The following RIMS2 variants were observed in gnomAD, a reference collection of about 807,000 sequenced individuals.
RIMS2 encodes the protein regulating synaptic membrane exocytosis 2, also known as regulating synaptic membrane exocytosis protein 2.
RIMS2 carries 59 observed loss-of-function variants against 174.4 expected under a neutral mutation model. That is an observed-to-expected ratio of 0.34 (90% CI 0.27 to 0.42). RIMS2 has a LOEUF of 0.42. Among genes scored for constraint, RIMS2 ranks in the 10% least tolerant of loss-of-function variants. RIMS2 has a pLI of 1.00. For synonymous variants in RIMS2, 606 were observed against 572.5 expected, an observed-to-expected ratio of 1.06 and a Z score of -0.84; for missense variants, 1,620 against 1,666.3, an observed-to-expected ratio of 0.97 and a Z score of 0.48.
intron 19 of RIMS2, among the ~76,000 whole-genome samples, chr8:104,086,358 T>C (rs2097537857): frequency 6.7e-6 from 1 of 150,124 alleles, no homozygotes. Context: ...GGTAAATTCA[T>C]TTGTTAAGGG....
At chr8:103,954,730 GA>G (rs56065944) in intron 14 of RIMS2, among the ~76,000 whole-genome samples, 19,299 of 152,110 alleles carry the variant, frequency 0.13, 1,689 homozygotes, top group Non-Finnish European at 0.19. Context: ...AAAGCTAGCA[GA>G]AGACAAGAAA....
At chr8:104,084,020 T>C (rs2097484097) in intron 19 of RIMS2, among the ~76,000 whole-genome samples, 3 of 152,126 alleles carry the variant, frequency 2.0e-5, no homozygotes. Context: ...CTATAAGATA[T>C]TTGAAAGTTG....
At position 103,999,643 on chromosome 8, in the gene RIMS2, C is replaced by T. The variant is rs376271429; in HGVS notation, c.3044+10222C>T. Among the ~76,000 whole-genome samples, 58 of 151,816 alleles carry T rather than the reference C, an allele frequency of 3.8e-4. No individual in the cohort carries two copies. The South Asian group carries it at 0.012, about 30-fold the overall frequency. On this transcript the variant is annotated intron_variant, in intron 17 of 23. Coordinates refer to ENST00000504942, the Ensembl canonical transcript of RIMS2. The stretch of plus-strand genomic sequence containing the variant: ...TGAGACATTACTGATTATAGACTTA[C>T]TGTATATACTCTGGTGTCTCTTCAT...
chr8:104,148,099 C>A (rs2098657812), intron 19 of RIMS2, among the ~76,000 whole-genome samples: 1 of 150,728 alleles, frequency 6.6e-6, no homozygotes, highest in African/African-American at 2.4e-5. Flanking sequence ...AAAATTTAAC[C>A]ATTATTAGAT....
chr8:103,796,893 G>A (rs2098553537), intron 3 of RIMS2, among the ~76,000 whole-genome samples: 2 of 152,202 alleles, frequency 1.3e-5, no homozygotes, highest in Admixed American at 6.5e-5. Flanking sequence ...GATGTGAGTG[G>A]TACAACTTGG....
rs1302681378 is a variant in RIMS2 at position 103,538,726 on chromosome 8, AG to A, written c.176+37667del. On this transcript the variant is annotated intron_variant, in intron 1 of 23. Transcript: ENST00000504942. Reference sequence around the variant, plus strand: ...GAGACAGGGTTTCACCATGTTAGCCAGGGTGGTCTCAATCCCGTGATCCACC... The same window carrying A: ...GAGACAGGGTTTCACCATGTTAGCCAGGTGGTCTCAATCCCGTGATCCACC... Among the ~76,000 whole-genome samples, 5 of 152,162 alleles carry A rather than the reference AG, an allele frequency of 3.3e-5. No individual in the cohort carries two copies. The East Asian group carries it at 9.7e-4, about 29-fold the overall frequency.
intron 12 of RIMS2, among the ~76,000 whole-genome samples, chr8:103,934,057 T>G (rs117432705): frequency 0.013 from 1,991 of 152,208 alleles, 18 homozygotes; most frequent in Non-Finnish European, 0.021. Context: ...TTTTATACTC[T>G]TTTTTTGTAT....
chr8:103,777,642 C>T (rs2098332745), intron 3 of RIMS2, among the ~76,000 whole-genome samples: 1 of 151,818 alleles, frequency 6.6e-6, no homozygotes, highest in South Asian at 2.1e-4. Flanking sequence ...TTGAACAGTG[C>T]TTTATGCTAA....
In RIMS2 at chr8:104,238,412, C is replaced by G. The variant is rs149360134; in HGVS notation, c.3335-6504C>G. ...GCAAAGCACCATAGCACATGTATAC[C>G]TATGTAACAAACCTGTATGTTCTGC... On this transcript the variant is annotated intron_variant, in intron 19 of 23. Coordinates refer to ENST00000504942, the Ensembl canonical transcript of RIMS2. 8.7e-3 allele frequency among the ~76,000 whole-genome samples: 1,316 copies of G among 151,582 alleles called. 15 individuals carry two copies. The highest frequency in any genetic ancestry group is 0.031 in the African/African-American group (1,269 of 41,312).
At position 104,205,858 on chromosome 8, in the gene RIMS2, C is replaced by T. The variant is rs936393611; in HGVS notation, c.3335-39058C>T. Among the ~76,000 whole-genome samples, 12 of 151,698 alleles carry T rather than the reference C, an allele frequency of 7.9e-5. No homozygotes were observed. The South Asian group carries it at 1.0e-3, about 13-fold the overall frequency. ...GCAACCTCTGCCTCCCGGCTTCAAG[C>T]GATTCTCCTGCCTCAGCCTCCCAAG... On this transcript the variant is annotated intron_variant, in intron 19 of 23. Coordinates refer to ENST00000504942, the Ensembl canonical transcript of RIMS2.
At chr8:103,954,196 G>A (rs906496860) in intron 14 of RIMS2, among the ~76,000 whole-genome samples, 2 of 152,196 alleles carry the variant, frequency 1.3e-5, no homozygotes, top group Non-Finnish European at 2.9e-5. Flanking sequence ...ACAGATCAAC[G>A]AGACAGAAAA....
At chr8:104,015,344 GT>G in intron 19 of RIMS2, 1 of 624,190 alleles carries the variant, frequency 1.6e-6, no homozygotes, top group South Asian at 1.9e-5. Flanking sequence ...AATTTCTGTT[GT>G]TTTTAACCCC....
At position 104,205,758 on chromosome 8, in the gene RIMS2, A is replaced by ATT. The variant is rs1400866418; in HGVS notation, c.3335-39144_3335-39143dup. Reference sequence around the variant, plus strand: ...CATCGAGAACTGCTTATTTATTTGAATTTTTTTTTTTTTTTGAGATGAAGT... The same window carrying ATT: ...CATCGAGAACTGCTTATTTATTTGAATTTTTTTTTTTTTTTTTGAGATGAAGT... On this transcript the variant is annotated intron_variant, in intron 19 of 23. Coordinates refer to ENST00000504942, the Ensembl canonical transcript of RIMS2. Among the ~76,000 whole-genome samples the ATT allele has an allele frequency of 7.7e-3, 1,119 of 144,510 alleles. 10 individuals are homozygous for ATT. The highest frequency in any genetic ancestry group is 0.025 in the African/African-American group (989 of 39,168). 94.8% of individuals were successfully genotyped at this position (144,510 alleles called of 152,430 possible). A position where few individuals can be genotyped will look rare whatever the true frequency, so the allele number is the denominator to read the frequency against.
chr8:104,181,442 A>G (rs997689323), intron 19 of RIMS2, among the ~76,000 whole-genome samples: 14 of 151,634 alleles, frequency 9.2e-5, no homozygotes, highest in Non-Finnish European at 1.9e-4. Flanking sequence ...AAATCACTTA[A>G]GTAGGTAAAA....
rs572344650 is a variant in RIMS2 at position 103,724,803 on chromosome 8, A to G, written c.387+27507A>G. ...AGAATTCCCATATGCATTCTGGTATATTTCTGGTCTCCTTAATCTGCCCAT... is the reference window on the plus strand; with the variant it reads ...AGAATTCCCATATGCATTCTGGTATGTTTCTGGTCTCCTTAATCTGCCCAT... On this transcript the variant is annotated intron_variant, in intron 2 of 23. Coordinates refer to ENST00000504942, the Ensembl canonical transcript of RIMS2. 5.3e-5 allele frequency among the ~76,000 whole-genome samples: 8 copies of G among 152,240 alleles called. No homozygotes were observed. In the East Asian group the frequency reaches 5.8e-4, roughly 11 times the overall value.
At chr8:104,249,159 C>G (rs1030400650) in intron 21 of RIMS2, among the ~76,000 whole-genome samples, 4 of 151,838 alleles carry the variant, frequency 2.6e-5, no homozygotes, top group African/African-American at 9.7e-5. Flanking sequence ...TCTCAAACTC[C>G]TGGCCTCAAG....
At chr8:103,707,924 G>A (rs917571705) in intron 2 of RIMS2, among the ~76,000 whole-genome samples, 2 of 152,214 alleles carry the variant, frequency 1.3e-5, no homozygotes, top group African/African-American at 4.8e-5. Context: ...CCAACTGGGA[G>A]CTTTGGGATC....
chr8:104,206,204 A>T (rs562775218), intron 19 of RIMS2, among the ~76,000 whole-genome samples: 2 of 152,194 alleles, frequency 1.3e-5, no homozygotes, highest in East Asian at 3.9e-4. Flanking sequence ...AAAGTCACAG[A>T]GAGGGGTTAT....
chr8:103,994,425 T>C (rs945376879), intron 17 of RIMS2, among the ~76,000 whole-genome samples: 4 of 152,178 alleles, frequency 2.6e-5, no homozygotes, highest in African/African-American at 4.8e-5. Flanking sequence ...TATTTTTTTC[T>C]TTTACAGTGA....
Sources: allele counts gnomAD v4.1 joint callset (sites outside exome capture counted in the v4.1 genomes callset), GRCh38; gene constraint gnomAD v4.1.1; transcripts MANE v1.5; gene names NCBI Gene and HGNC (gene_info 2026-07-23, HGNC 2026-07-21).